The following COA6 variants were observed in gnomAD, a reference collection of about 807,000 sequenced individuals.
COA6 encodes the protein cytochrome c oxidase assembly factor 6 homolog.
In COA6, 12 loss-of-function variants were observed where a neutral mutation model predicts 17.1. The observed-to-expected ratio is 0.70, with a 90% CI of 0.45 to 1.14. COA6 has a LOEUF of 1.14. Among genes scored for constraint, COA6 ranks in the 50% most tolerant of loss-of-function variants. The pLI, the probability that COA6 is intolerant of heterozygous loss-of-function variation, is 0.00. For missense variants in COA6, 246 were observed against 196.5 expected (o/e 1.25, Z -1.51); for synonymous variants, 90 against 73.4 (o/e 1.23, Z -1.16).
At chr1:234,376,441 C>T (rs1658795046) in intron 2 of COA6, among the ~76,000 whole-genome samples, 1 of 152,198 alleles carries the variant, frequency 6.6e-6, no homozygotes, top group East Asian at 1.9e-4. Flanking sequence ...ACATCCTCTA[C>T]ACTCTACACT....
rs1028478846 is a variant in COA6 at position 234,384,031 on chromosome 1, C to T, written c.*213C>T. ...CTCTATTTTAAGAAAAAAAGTAAAA[C>T]CTGTTATAAACACATGCACTTTTGT... On this transcript the variant is annotated 3_prime_UTR_variant, in exon 3 of 3. Transcript: ENST00000366615. 1 of 416,836 alleles carries T rather than the reference C, an allele frequency of 2.4e-6. No homozygotes were observed. Among genetic ancestry groups the T allele is most frequent in the African/African-American group, 2.1e-5 (1 of 48,608 alleles). 25.8% of individuals were successfully genotyped at this position (416,836 alleles called of 1,614,324 possible).
At position 234,384,933 on chromosome 1, in the gene COA6, A is replaced by C. The variant is rs761658398; in HGVS notation, c.*1115A>C. Among the ~76,000 whole-genome samples, 2 of 152,224 alleles carry C rather than the reference A, an allele frequency of 1.3e-5. No homozygotes were observed. Among genetic ancestry groups the C allele is most frequent in the African/African-American group, 4.8e-5 (2 of 41,448 alleles). On this transcript the variant is annotated 3_prime_UTR_variant, in exon 3 of 3. Coordinates refer to ENST00000366615, the MANE Select transcript of COA6 (RefSeq NM_001206641.3). ...ATATCACAATAGAGTGGGTTACACA[A>C]ATGTTTTGGTTTTCCAGTACACATA...
intron 1 of COA6, 70 bp downstream of exon 1, chr1:234,373,748 G>A (rs760114232): frequency 1.2e-6 from 2 of 1,613,702 alleles, no homozygotes; most frequent in African/African-American, 1.3e-5. Flanking sequence ...TACTGTCCCC[G>A]AGCCGCGGGT....
At chr1:234,382,342 C>G (rs1658998878) in intron 2 of COA6, among the ~76,000 whole-genome samples, 1 of 152,188 alleles carries the variant, frequency 6.6e-6, no homozygotes, top group African/African-American at 2.4e-5. Flanking sequence ...CGTAGATCTT[C>G]TAGACAAAAG....
chr1:234,373,737 T>C (rs763412357), intron 1 of COA6, 59 bp downstream of exon 1: 1 of 1,613,848 alleles, frequency 6.2e-7, no homozygotes, highest in South Asian at 1.1e-5. Flanking sequence ...GGGAGGTCCC[T>C]TACTGTCCCC....
chr1:234,378,862 C>G (rs1478025787), intron 2 of COA6, among the ~76,000 whole-genome samples: 23 of 151,456 alleles, frequency 1.5e-4, no homozygotes, highest in Admixed American at 1.5e-3. Context: ...GAGTACAAGA[C>G]TCTGGTTTTT....
At chr1:234,375,063 G>T (rs1457744671) in intron 2 of COA6, among the ~76,000 whole-genome samples, 1 of 151,620 alleles carries the variant, frequency 6.6e-6, no homozygotes, top group Non-Finnish European at 1.5e-5. Flanking sequence ...GCTGAGGCGG[G>T]CAGATCACGA....
chr1:234,377,133 T>TTTTTGTTGTTGTTG lies in COA6; in HGVS notation c.372+2746_372+2747insTTGTTGTTGTTGTT, dbSNP rs60899682. The stretch of plus-strand genomic sequence containing the variant: ...CTCTGTCTCCTCTTTTTTTGTTTTT[T>TTTTTGTTGTTGTTG]TTGTTGTTGTTGAGACAGAGTCTCA... On this transcript the variant is annotated intron_variant, in intron 2 of 2. Transcript: ENST00000366615. 3.5e-4 allele frequency among the ~76,000 whole-genome samples: 24 copies of TTTTTGTTGTTGTTG among 69,564 alleles called. 2 individuals carry two copies. Among genetic ancestry groups the TTTTTGTTGTTGTTG allele is most frequent in the Middle Eastern group, 6.8e-3 (1 of 148 alleles). The allele number at this position is 69,564 out of a possible 152,430, so 45.6% of individuals were successfully genotyped here. A position where few individuals can be genotyped will look rare whatever the true frequency, so the allele number is the denominator to read the frequency against.
rs534923081 is a variant in COA6, at chr1:234,380,538, A to G, written c.373-3185A>G. ...TGACAGCCACGAAATAAAGATAAAA[A>G]ATAGCACCACCAAATTGGGATTTAG... is the stretch of plus-strand genomic sequence containing the variant. On this transcript the variant is annotated intron_variant, in intron 2 of 2. Coordinates refer to ENST00000366615, the MANE Select transcript of COA6 (RefSeq NM_001206641.3). Among the ~76,000 whole-genome samples, 67 of 152,370 alleles carry G rather than the reference A, an allele frequency of 4.4e-4. 1 individual carries two copies. The highest frequency in any genetic ancestry group is 1.6e-3 in the African/African-American group (66 of 41,580).
chr1:234,377,569 C>T (rs1396223468), intron 2 of COA6, among the ~76,000 whole-genome samples: 1 of 152,132 alleles, frequency 6.6e-6, no homozygotes, highest in East Asian at 1.9e-4. Context: ...TGCGTGTCAC[C>T]CTCGACTGAA....
Position 234,373,923 on chromosome 1 carries a change from G to T in COA6, c.212+245G>T, listed in dbSNP as rs890714603. 14 of 1,478,204 alleles carry T rather than the reference G, an allele frequency of 9.5e-6. No individual in the cohort carries two copies. In the African/African-American group the frequency reaches 1.8e-4, roughly 19 times the overall value. 91.6% of individuals were successfully genotyped at this position (1,478,204 alleles called of 1,614,324 possible). On this transcript the variant is annotated intron_variant, in intron 1 of 2. Transcript: ENST00000366615. Reference sequence around the variant, plus strand: ...CGGGCTCGGAGAGAATAAATGAGCTGCCCTAAGCGACTGGGACAGAACCAC... The same window carrying T: ...CGGGCTCGGAGAGAATAAATGAGCTTCCCTAAGCGACTGGGACAGAACCAC...
rs1332711907 is a variant in COA6, at chr1:234,384,680, A to G, written c.*862A>G. Among the ~76,000 whole-genome samples, 2 of 152,254 alleles carry G rather than the reference A, an allele frequency of 1.3e-5. No individual in the cohort carries two copies. Among genetic ancestry groups the G allele is most frequent in the African/African-American group, 4.8e-5 (2 of 41,464 alleles). ...TTGGAAGCAGACTACATCAGATTAA[A>G]TGGAGAGGTATACAGTTGGCCCTCT... On this transcript the variant is annotated 3_prime_UTR_variant, in exon 3 of 3. Coordinates refer to ENST00000366615, the MANE Select transcript of COA6 (RefSeq NM_001206641.3).
At chr1:234,377,922 C>G (rs769842808) in intron 2 of COA6, among the ~76,000 whole-genome samples, 1 of 152,218 alleles carries the variant, frequency 6.6e-6, no homozygotes, top group Non-Finnish European at 1.5e-5. Context: ...CTATAAAACT[C>G]ACCCGTAGAA....
At chr1:234,380,062 G>A (rs532319981) in intron 2 of COA6, among the ~76,000 whole-genome samples, 7 of 152,264 alleles carry the variant, frequency 4.6e-5, no homozygotes, top group Admixed American at 1.3e-4. Flanking sequence ...GTGATAGCCC[G>A]TTTCCCATTT....
chr1:234,374,933 G>A (rs1658745322), intron 2 of COA6, among the ~76,000 whole-genome samples: 1 of 152,152 alleles, frequency 6.6e-6, no homozygotes, highest in Admixed American at 6.5e-5. Flanking sequence ...CTATTACTGA[G>A]GTTAGTAAGT....
At position 234,374,222 on chromosome 1, in the gene COA6, G is replaced by T; in HGVS notation, c.213-8G>T. 6.2e-7 allele frequency: 1 copy of T among 1,604,296 alleles called. No homozygotes were observed. The highest frequency in any genetic ancestry group is 2.2e-5 in the East Asian group (1 of 44,674). On this transcript the variant is annotated splice_polypyrimidine_tract_variant and splice_region_variant and intron_variant, in intron 1 of 2. Coordinates refer to ENST00000366615, the MANE Select transcript of COA6 (RefSeq NM_001206641.3). ...ATTGTTAATCTCAAATATTATTTTG[G>T]CCAACAGCTTCATCGCAGTAGGAAT...
chr1:234,384,410 C>G lies in COA6; in HGVS notation c.*592C>G, dbSNP rs551445551. Among the ~76,000 whole-genome samples, 7 of 152,200 alleles carry G rather than the reference C, an allele frequency of 4.6e-5. No homozygotes were observed. Among genetic ancestry groups the G allele is most frequent in the Admixed American group, 2.0e-4 (3 of 15,282 alleles). ...TAGCTCTACTCACATATAATAAATACTATCTTATAGAATGTACCAATGGAT... is the reference window on the plus strand; with the variant it reads ...TAGCTCTACTCACATATAATAAATAGTATCTTATAGAATGTACCAATGGAT... On this transcript the variant is annotated 3_prime_UTR_variant, in exon 3 of 3. Transcript: ENST00000366615.
Position 234,374,365 on chromosome 1 carries a change from C to A in COA6, c.348C>A (p.Phe116Leu), listed in dbSNP as rs760951357. Residue 116 changes from phenylalanine (F) to leucine (L), a missense_variant, in exon 2 of 3, where the codon TTC (phenylalanine) becomes TTA (leucine). Transcript: ENST00000366615. ...ASQCKKLRSS[F>L]ESSCPQQWIK... is the part of the protein sequence containing the mutation. ...AATGCAAGAAGTTAAGAAGCTCTTT[C>A]GAATCAAGTTGTCCCCAACAGTGGG... The A allele has an allele frequency of 1.2e-6, 2 of 1,613,842 alleles. No homozygotes were observed. The highest frequency in any genetic ancestry group is 2.2e-5 in the East Asian group (1 of 44,888).
chr1:234,374,145 G>T, intron 1 of COA6, 85 bp from the exon 2 acceptor site: 1 of 1,184,730 alleles, frequency 8.4e-7, no homozygotes, highest in Non-Finnish European at 1.2e-6. Context: ...TAAAGGAAGA[G>T]GAGATTGACG....
Sources: gnomAD v4.1 joint callset for allele counts (sites outside exome capture counted in the v4.1 genomes callset) on GRCh38, gnomAD v4.1.1 for gene constraint, MANE v1.5 for transcripts, NCBI Gene and HGNC (gene_info 2026-07-23, HGNC 2026-07-21) for gene names.